The following VCL variants were observed in gnomAD, a reference collection of about 807,000 sequenced individuals.
The protein encoded by VCL is epididymis luminal protein 114.
VCL carries 47 observed loss-of-function variants against 125.7 expected under a neutral mutation model. That is an observed-to-expected ratio of 0.37 (90% CI 0.30 to 0.48). The LOEUF (loss-of-function observed/expected upper bound fraction) is 0.48, where lower values mean the gene tolerates loss of function less well. Ranked by LOEUF, VCL falls within the 20% of genes least tolerant of loss-of-function variation. The pLI, the probability that VCL is intolerant of heterozygous loss-of-function variation, is 0.99. For missense variants in VCL, 1,069 were observed against 1,455.5 expected (o/e 0.73, Z 4.32); for synonymous variants, 458 against 514.6 (o/e 0.89, Z 1.49).
At chr10:74,018,887 G>T (rs572188271) in intron 1 of VCL, among the ~76,000 whole-genome samples, 27 of 152,190 alleles carry the variant, frequency 1.8e-4, no homozygotes, top group Admixed American at 9.2e-4. Context: ...GCACAATCTG[G>T]CAGTAACTAG....
At chr10:74,090,436 T>G (rs1376570975) in intron 10 of VCL, among the ~76,000 whole-genome samples, 1 of 152,242 alleles carries the variant, frequency 6.6e-6, no homozygotes, top group African/African-American at 2.4e-5. Flanking sequence ...AGTTATAAAT[T>G]GATAAATTTA....
At chr10:74,009,036 A>G (rs1468546375) in intron 1 of VCL, among the ~76,000 whole-genome samples, 1 of 152,178 alleles carries the variant, frequency 6.6e-6, no homozygotes, top group Non-Finnish European at 1.5e-5. Flanking sequence ...CTGTAATAAG[A>G]CTGAAAGATA....
At chr10:74,086,629 G>A (rs560955129) in intron 8 of VCL, among the ~76,000 whole-genome samples, 51 of 152,342 alleles carry the variant, frequency 3.3e-4, no homozygotes, top group African/African-American at 1.2e-3. Context: ...ATACACAGTT[G>A]TATGTGTTTA....
chr10:74,077,112 G>GT (rs1354102174), intron 6 of VCL: 1 of 152,592 alleles, frequency 6.6e-6, no homozygotes, highest in African/African-American at 2.4e-5. Flanking sequence ...AAACCAATTT[G>GT]TTAGGATGCT....
At chr10:74,092,306 G>A (rs892377228) in intron 10 of VCL, among the ~76,000 whole-genome samples, 4 of 152,164 alleles carry the variant, frequency 2.6e-5, no homozygotes, top group African/African-American at 7.2e-5. Context: ...CAGATTCTTT[G>A]TATTTTTATA....
At chr10:74,089,139 A>AT in intron 8 of VCL, 57 bp from the exon 9 acceptor site, 1 of 1,611,202 alleles carries the variant, frequency 6.2e-7, no homozygotes, top group Non-Finnish European at 8.5e-7. Context: ...TATTGGGAAT[A>AT]TTTTGTCATT....
chr10:74,016,894 C>T (rs540405054), intron 1 of VCL: 2 of 152,164 alleles, frequency 1.3e-5, no homozygotes, highest in South Asian at 4.2e-4. Flanking sequence ...TGGAATCATA[C>T]AGTGTTTGTA....
intron 14 of VCL, 117 bp from the exon 15 acceptor site, chr10:74,103,703 T>C: frequency 1.1e-6 from 1 of 937,402 alleles, no homozygotes; most frequent in Non-Finnish European, 1.7e-6. Context: ...GAAAAGAGAC[T>C]TGCCACTTTC....
intron 1 of VCL, among the ~76,000 whole-genome samples, chr10:74,024,972 A>G (rs2136236062): frequency 1.3e-5 from 2 of 152,332 alleles, no homozygotes; most frequent in Middle Eastern, 6.8e-3. Flanking sequence ...ATCACACAAT[A>G]TAACAGCCAA....
chr10:74,027,711 A>C (rs1476958901), intron 1 of VCL: 1 of 151,686 alleles, frequency 6.6e-6, no homozygotes, highest in Non-Finnish European at 1.5e-5. Flanking sequence ...AGATAAAAAG[A>C]ATGTTTTCCT....
At chr10:74,096,821 T>G (rs750215188) in intron 12 of VCL, among the ~76,000 whole-genome samples, 1 of 152,282 alleles carries the variant, frequency 6.6e-6, no homozygotes, top group South Asian at 2.1e-4. Context: ...TTACAGTTAC[T>G]GTGATCGTTA....
Position 74,071,055 on chromosome 10 carries a change from G to A in VCL, c.471G>A (p.Leu157=). ...AGGTGGTGGAGACTATGGAAGATTTGGTCACTTACACAAAGAATCTTGGGC... is the reference window on the plus strand; with the variant it reads ...AGGTGGTGGAGACTATGGAAGATTTAGTCACTTACACAAAGAATCTTGGGC... ...VAEVVETMED[L]VTYTKNLGPG... Residue 157 remains leucine (L), a synonymous_variant, in exon 4 of 22, where the codon TTG becomes TTA. Transcript: ENST00000211998. This position sits in a 1 kb window ranked among gnomAD's most constrained non-coding sequence, Gnocchi z 4.1. 1 of 1,614,056 alleles carries A rather than the reference G, an allele frequency of 6.2e-7. No homozygotes were observed. The highest frequency in any genetic ancestry group is 8.5e-7 in the Non-Finnish European group (1 of 1,179,980).
Position 74,097,185 on chromosome 10 carries a change from T to A in VCL, c.1744-19T>A. On this transcript the variant is annotated intron_variant, in intron 12 of 21. Coordinates refer to ENST00000211998, the MANE Select transcript of VCL (RefSeq NM_014000.3). The surrounding 1 kb of genome is among the most constrained non-coding windows in gnomAD (Gnocchi z 4.1). ...GAGGATGTATCTGGACATTTTCATA[T>A]GTAAACAATGTTTTTAAGGATCTAA... 1 of 1,612,754 alleles carries A rather than the reference T, an allele frequency of 6.2e-7. No homozygotes were observed. The highest frequency in any genetic ancestry group is 8.5e-7 in the Non-Finnish European group (1 of 1,179,380).
At chr10:74,084,001 G>A (rs1839724293) in intron 8 of VCL, among the ~76,000 whole-genome samples, 1 of 152,184 alleles carries the variant, frequency 6.6e-6, no homozygotes. Flanking sequence ...CGAGTAGCTG[G>A]GATTATAGGC....
At chr10:74,017,878 G>C (rs918028128) in intron 1 of VCL, among the ~76,000 whole-genome samples, 24 of 152,078 alleles carry the variant, frequency 1.6e-4, no homozygotes, top group East Asian at 1.9e-4. Context: ...TCTGGTGAAG[G>C]CTGGGTAAGG....
intron 7 of VCL, among the ~76,000 whole-genome samples, chr10:74,082,907 G>A (rs1161814372): frequency 6.6e-6 from 1 of 152,186 alleles, no homozygotes; most frequent in Non-Finnish European, 1.5e-5. Context: ...TCTTAATTAA[G>A]CAGATTAAAT....
rs2131937395 is a variant in VCL at position 74,112,082 on chromosome 10, G to C, written c.2919G>C (p.Leu973Phe). The C allele has an allele frequency of 1.2e-6, 2 of 1,614,196 alleles. No homozygotes were observed. The highest frequency in any genetic ancestry group is 1.7e-6 in the Non-Finnish European group (2 of 1,180,038). Residue 973 changes from leucine to phenylalanine, a missense_variant, in exon 19 of 22, where the codon TTG (leucine) becomes TTC (phenylalanine). Physicochemically the swap from Leu to Phe is conservative, Grantham distance 22. Coordinates refer to ENST00000211998, the MANE Select transcript of VCL (RefSeq NM_014000.3). ...NQPILAAAQS[L>F]HREATKWSSK... ...CCATTCTGGCCGCGGCTCAGTCCTT[G>C]CATCGGGAAGCTACCAAGTGGTCTA...
At chr10:74,061,907 CTTT>C (rs11439344) in intron 2 of VCL, among the ~76,000 whole-genome samples, 2 of 129,362 alleles carry the variant, frequency 1.5e-5, no homozygotes, top group Admixed American at 8.3e-5. Flanking sequence ...AACCAATCTA[CTTT>C]TTTTTTTTTT....
chr10:74,117,537 C>T (rs1358877026), intron 21 of VCL, among the ~76,000 whole-genome samples: 2 of 152,146 alleles, frequency 1.3e-5, no homozygotes, highest in Admixed American at 1.3e-4. Context: ...TACCTATTGT[C>T]CCAGCTGCTC....
Sources: gnomAD v4.1 joint callset for allele counts (sites outside exome capture counted in the v4.1 genomes callset) on GRCh38, gnomAD v4.1.1 for gene constraint, Gnocchi (gnomAD v3.1) non-coding constraint, MANE v1.5 for transcripts, NCBI Gene and HGNC (gene_info 2026-07-23, HGNC 2026-07-21) for gene names.